The following VKORC1L1 variants were observed in gnomAD, a reference collection of about 807,000 sequenced individuals.
The protein encoded by VKORC1L1 is vitamin K epoxide reductase complex subunit 1-like protein 1.
VKORC1L1 carries 2 observed loss-of-function variants against 18.9 expected under a neutral mutation model. That is an observed-to-expected ratio of 0.11 (90% CI 0.04 to 0.33). The LOEUF is 0.33. VKORC1L1 is among the 10% of genes least tolerant of loss of function. VKORC1L1 has a pLI of 1.00. For synonymous variants in VKORC1L1, 96 were observed against 100.0 expected, an observed-to-expected ratio of 0.96 and a Z score of 0.24; for missense variants, 123 against 224.1, an observed-to-expected ratio of 0.55 and a Z score of 2.88.
chr7:65,891,553 C>G (rs867590738), intron 1 of VKORC1L1, among the ~76,000 whole-genome samples: 31 of 152,254 alleles, frequency 2.0e-4, no homozygotes, highest in Middle Eastern at 3.4e-3. Context: ...TGATCCCCTC[C>G]CCTCCCTGCC....
chr7:65,876,611 G>A (rs1198742772), intron 1 of VKORC1L1, among the ~76,000 whole-genome samples: 1 of 152,012 alleles, frequency 6.6e-6, no homozygotes, highest in Non-Finnish European at 1.5e-5. Flanking sequence ...CTAACATTCA[G>A]TTAGCAGTCC....
intron 1 of VKORC1L1, among the ~76,000 whole-genome samples, chr7:65,944,606 AT>A (rs980815213): frequency 3.2e-4 from 47 of 147,976 alleles, no homozygotes; most frequent in East Asian, 1.6e-3. Context: ...GTTTTCTATA[AT>A]TTTTTTTTTT....
chr7:65,956,590 C>CT lies in VKORC1L1; in HGVS notation c.*2295dup, dbSNP rs904542757. On this transcript the variant is annotated 3_prime_UTR_variant, in exon 3 of 3. Coordinates refer to ENST00000360768, the MANE Select transcript of VKORC1L1 (RefSeq NM_173517.6). Reference sequence around the variant, plus strand: ...CCTATGGCCCAGTCGAATTAATACCCTTTTTCTCACTGAGAGAGGAACACG... The same window carrying CT: ...CCTATGGCCCAGTCGAATTAATACCCTTTTTTCTCACTGAGAGAGGAACACG... 6.6e-6 allele frequency: 1 copy of CT among 152,154 alleles called. No homozygotes were observed. The highest frequency in any genetic ancestry group is 6.6e-5 in the Admixed American group (1 of 15,266). The allele number at this position is 152,154 out of a possible 1,614,324, so 9.4% of individuals were successfully genotyped here.
chr7:65,909,715 TGTGTGTGTGTGTGTGTGTGTGTGA>T (rs915382226), intron 1 of VKORC1L1, among the ~76,000 whole-genome samples: 4 of 150,016 alleles, frequency 2.7e-5, no homozygotes, highest in African/African-American at 9.8e-5. Flanking sequence ...TGTGTGTGTG[TGTGTGTGTGTGTGTGTGTGTGTGA>T]CGGAGGCTTG....
At chr7:65,892,412 C>T (rs1011552666) in intron 1 of VKORC1L1, among the ~76,000 whole-genome samples, 1 of 152,154 alleles carries the variant, frequency 6.6e-6, no homozygotes, top group Admixed American at 6.6e-5. Context: ...TACAAGGGTT[C>T]CCCTTTTTCC....
rs547461818 is a variant in VKORC1L1, at chr7:65,940,994, C to T, written c.195-7677C>T. Among the ~76,000 whole-genome samples, 8 of 152,250 alleles carry T rather than the reference C, an allele frequency of 5.3e-5. No homozygotes were observed. The East Asian group carries it at 7.7e-4, about 15-fold the overall frequency. ...AAACTATATAGTGTCTAGGAATGCTCACTTGTCAATCCTTAGAGAAACTAA... is the reference window on the plus strand; with the variant it reads ...AAACTATATAGTGTCTAGGAATGCTTACTTGTCAATCCTTAGAGAAACTAA... On this transcript the variant is annotated intron_variant, in intron 1 of 2. Coordinates refer to ENST00000360768, the MANE Select transcript of VKORC1L1 (RefSeq NM_173517.6).
chr7:65,907,749 T>TTTCAAG (rs1337518299), intron 1 of VKORC1L1, among the ~76,000 whole-genome samples: 1 of 152,210 alleles, frequency 6.6e-6, no homozygotes, highest in Non-Finnish European at 1.5e-5. Flanking sequence ...GGTGTTTATT[T>TTTCAAG]TTCAAGTTCA....
intron 2 of VKORC1L1, among the ~76,000 whole-genome samples, chr7:65,952,886 A>G (rs1012456891): frequency 2.1e-5 from 3 of 145,726 alleles, no homozygotes; most frequent in Non-Finnish European, 4.5e-5. Context: ...CCTGGGTTCA[A>G]GTAATTCTCG....
chr7:65,905,793 T>A (rs1393825443), intron 1 of VKORC1L1, among the ~76,000 whole-genome samples: 1 of 152,080 alleles, frequency 6.6e-6, no homozygotes, highest in Non-Finnish European at 1.5e-5. Context: ...TTGGTCCACG[T>A]GTGGTATTAG....
At chr7:65,948,864 A>G in intron 2 of VKORC1L1, 84 bp downstream of exon 2, 2 of 1,502,762 alleles carry the variant, frequency 1.3e-6, no homozygotes, top group Non-Finnish European at 1.8e-6. Context: ...TTGATGTTAA[A>G]GCATGTGTTA....
At chr7:65,930,369 G>A (rs1179641561) in intron 1 of VKORC1L1, among the ~76,000 whole-genome samples, 3 of 152,214 alleles carry the variant, frequency 2.0e-5, no homozygotes, top group Admixed American at 6.5e-5. Context: ...AGTTGTTGGC[G>A]TGGAGGAGCT....
At position 65,873,347 on chromosome 7, in the gene VKORC1L1, A is replaced by AGGCGGCGGC. The variant is rs750857985; in HGVS notation, c.-13_-5dup. The AGGCGGCGGC allele has an allele frequency of 1.7e-5, 24 of 1,451,336 alleles. No individual in the cohort carries two copies. Among genetic ancestry groups the AGGCGGCGGC allele is most frequent in the South Asian group, 6.3e-5 (5 of 79,928 alleles). The allele number at this position is 1,451,336 out of a possible 1,614,324, so 89.9% of individuals were successfully genotyped here. A position where few individuals can be genotyped will look rare whatever the true frequency, so the allele number is the denominator to read the frequency against. ...CGGCGGCTGAGGTGGAGGCGGAGGGAGGCGGCGGCGGCGGCGGCGGGAAGA... is the reference window on the plus strand; with the variant it reads ...CGGCGGCTGAGGTGGAGGCGGAGGGAGGCGGCGGCGGCGGCGGCGGCGGCGGCGGGAAGA... On this transcript the variant is annotated 5_prime_UTR_variant, in exon 1 of 3. Transcript: ENST00000360768.
At chr7:65,932,716 G>A (rs1245052710) in intron 1 of VKORC1L1, among the ~76,000 whole-genome samples, 2 of 152,168 alleles carry the variant, frequency 1.3e-5, no homozygotes, top group Non-Finnish European at 2.9e-5. Context: ...CTTGAAGTTT[G>A]TTTATGATAT....
At chr7:65,873,654 C>T in intron 1 of VKORC1L1, 89 bp downstream of exon 1, 1 of 1,014,536 alleles carries the variant, frequency 9.9e-7, no homozygotes, top group Non-Finnish European at 1.2e-6. Context: ...GAGCTCAGGC[C>T]TGGGGGCGGC....
At chr7:65,898,140 G>T (rs1014985186) in intron 1 of VKORC1L1, among the ~76,000 whole-genome samples, 1 of 139,740 alleles carries the variant, frequency 7.2e-6, no homozygotes, top group African/African-American at 2.7e-5. Context: ...CCAGGCTGGA[G>T]TATAGTGGCA....
intron 1 of VKORC1L1, among the ~76,000 whole-genome samples, chr7:65,877,032 G>A (rs550837593): frequency 6.6e-6 from 1 of 152,172 alleles, no homozygotes; most frequent in Non-Finnish European, 1.5e-5. Flanking sequence ...GGGTGGTAGA[G>A]AGAGACCCTG....
intron 1 of VKORC1L1, among the ~76,000 whole-genome samples, chr7:65,922,055 G>A (rs1021084136): frequency 1.3e-5 from 2 of 152,066 alleles, no homozygotes; most frequent in Admixed American, 6.5e-5. Context: ...ATTAATAGTT[G>A]TATCACTTTT....
At chr7:65,884,429 G>C (rs1583823811) in intron 1 of VKORC1L1, among the ~76,000 whole-genome samples, 2 of 152,286 alleles carry the variant, frequency 1.3e-5, no homozygotes, top group East Asian at 3.9e-4. Context: ...CTGAGGTCAG[G>C]AGTTTGAGAC....
At position 65,928,549 on chromosome 7, in the gene VKORC1L1, C is replaced by T. The variant is rs116592833; in HGVS notation, c.195-20122C>T. ...TGTTCACATGTATTTGAGATTTATC[C>T]GTGTTGTTTCATGTATCACCAAATG... On this transcript the variant is annotated intron_variant, in intron 1 of 2. Transcript: ENST00000360768. Among the ~76,000 whole-genome samples, 901 of 152,228 alleles carry T rather than the reference C, an allele frequency of 5.9e-3. 4 individuals are homozygous for T. Among genetic ancestry groups the T allele is most frequent in the African/African-American group, 0.021 (861 of 41,530 alleles).
Sources: gnomAD v4.1 joint callset for allele counts (sites outside exome capture counted in the v4.1 genomes callset) on GRCh38, gnomAD v4.1.1 for gene constraint, MANE v1.5 for transcripts, NCBI Gene and HGNC (gene_info 2026-07-23, HGNC 2026-07-21) for gene names.